The following CDH13 variants were observed in gnomAD, a reference collection of about 807,000 sequenced individuals.
The protein encoded by CDH13 is cadherin 13.
A neutral mutation model predicts 63.8 loss-of-function variants in CDH13; 24 were observed. That is an observed-to-expected ratio of 0.38 (90% CI 0.27 to 0.53). The LOEUF (loss-of-function observed/expected upper bound fraction) is 0.53, where lower values mean the gene tolerates loss of function less well. CDH13 is among the 20% of genes least tolerant of loss of function. CDH13 has a pLI of 0.85. For missense variants in CDH13, 1,049 were observed against 903.1 expected (o/e 1.16, Z -2.07); for synonymous variants, 503 against 355.3 (o/e 1.42, Z -4.67).
intron 7 of CDH13, among the ~76,000 whole-genome samples, chr16:83,490,820 C>T (rs1337561365): frequency 6.6e-6 from 1 of 152,218 alleles, no homozygotes; most frequent in Non-Finnish European, 1.5e-5. Context: ...TATCAAGTTT[C>T]CCCAAGACAT....
chr16:82,790,524 A>C (rs1401058835), intron 1 of CDH13, among the ~76,000 whole-genome samples: 1 of 152,212 alleles, frequency 6.6e-6, no homozygotes, highest in Non-Finnish European at 1.5e-5. Flanking sequence ...TAATAGACAT[A>C]CAAAAAAATT....
intron 7 of CDH13, among the ~76,000 whole-genome samples, chr16:83,553,948 G>C (rs573461216): frequency 6.6e-6 from 1 of 152,132 alleles, no homozygotes; most frequent in African/African-American, 2.4e-5. Context: ...ATAATTTTGT[G>C]TCTTTTATAG....
At chr16:83,558,582 T>C (rs2075645490) in intron 7 of CDH13, among the ~76,000 whole-genome samples, 1 of 152,202 alleles carries the variant, frequency 6.6e-6, no homozygotes, top group South Asian at 2.1e-4. Flanking sequence ...CTACATCTAG[T>C]CAGAGATGCA....
At chr16:83,081,068 A>G (rs1372538883) in intron 3 of CDH13, among the ~76,000 whole-genome samples, 1 of 151,074 alleles carries the variant, frequency 6.6e-6, no homozygotes, top group Non-Finnish European at 1.5e-5. Flanking sequence ...TTTAGTACAG[A>G]CGGGGTTTCT....
intron 5 of CDH13, among the ~76,000 whole-genome samples, chr16:83,226,428 C>G (rs1006491919): frequency 1.3e-5 from 2 of 152,210 alleles, no homozygotes; most frequent in African/African-American, 4.8e-5. Flanking sequence ...CAACTTGAAT[C>G]TTGGCAGGTG....
chr16:83,747,470 G>A (rs997195995), intron 10 of CDH13, among the ~76,000 whole-genome samples: 4 of 152,118 alleles, frequency 2.6e-5, no homozygotes, highest in Non-Finnish European at 5.9e-5. Flanking sequence ...ATGGAACTGT[G>A]AGTCTATTAA....
At chr16:83,300,664 G>T (rs1207662442) in intron 5 of CDH13, among the ~76,000 whole-genome samples, 1 of 152,202 alleles carries the variant, frequency 6.6e-6, no homozygotes, top group South Asian at 2.1e-4. Flanking sequence ...TTGTCAAGAT[G>T]AGACGTTAAT....
intron 6 of CDH13, among the ~76,000 whole-genome samples, chr16:83,441,317 A>G (rs181888548): frequency 1.8e-4 from 27 of 152,340 alleles, no homozygotes; most frequent in Non-Finnish European, 2.5e-4. Flanking sequence ...AAAGATGACA[A>G]TTCAATTACT....
chr16:83,669,516 G>C (rs1459639692), intron 8 of CDH13, among the ~76,000 whole-genome samples: 1 of 152,172 alleles, frequency 6.6e-6, no homozygotes, highest in Non-Finnish European at 1.5e-5. Context: ...AGCAGCCTCA[G>C]TATCCCTTCT....
At chr16:83,444,425 G>A (rs1363904384) in intron 6 of CDH13, among the ~76,000 whole-genome samples, 1 of 152,160 alleles carries the variant, frequency 6.6e-6, no homozygotes, top group Non-Finnish European at 1.5e-5. Flanking sequence ...ACTTGCTCAA[G>A]GACAATACTT....
rs1342205878 is a variant in CDH13 at position 83,153,601 on chromosome 16, A to C, written c.483+28100A>C. ...CCAGGAATGAACAGGGACAGTTTGG[A>C]GGTTCGAGGCAAGATGGAGTCACTT... On this transcript the variant is annotated intron_variant, in intron 4 of 13. Transcript: ENST00000567109. 2.6e-5 allele frequency among the ~76,000 whole-genome samples: 4 copies of C among 152,280 alleles called. 1 individual carries two copies. In the East Asian group the frequency reaches 7.7e-4, roughly 29 times the overall value.
intron 7 of CDH13, among the ~76,000 whole-genome samples, chr16:83,548,065 G>C (rs998494040): frequency 6.6e-6 from 1 of 151,552 alleles, no homozygotes; most frequent in African/African-American, 2.4e-5. Context: ...TATCACCTGG[G>C]CTGCTTGCTG....
intron 8 of CDH13, among the ~76,000 whole-genome samples, chr16:83,613,522 A>G (rs937781165): frequency 6.6e-6 from 1 of 152,130 alleles, no homozygotes; most frequent in African/African-American, 2.4e-5. Flanking sequence ...CTAATCTACT[A>G]TACCCATTTA....
intron 4 of CDH13, among the ~76,000 whole-genome samples, chr16:83,175,180 T>C (rs940968879): frequency 3.9e-5 from 6 of 152,152 alleles, no homozygotes; most frequent in African/African-American, 1.4e-4. Context: ...TTCTAGATGC[T>C]TTATTCTCAA....
chr16:82,651,807 T>C (rs1023710590), intron 1 of CDH13, among the ~76,000 whole-genome samples: 1 of 152,140 alleles, frequency 6.6e-6, no homozygotes, highest in African/African-American at 2.4e-5. Flanking sequence ...TGACAAGTGA[T>C]TTTTCCAGTG....
chr16:83,196,931 A>C (rs549173115), intron 4 of CDH13, among the ~76,000 whole-genome samples: 1 of 152,208 alleles, frequency 6.6e-6, no homozygotes, highest in East Asian at 1.9e-4. Flanking sequence ...CAGCAATTGC[A>C]CTCCTAGGCG....
intron 2 of CDH13, among the ~76,000 whole-genome samples, chr16:82,983,245 C>A (rs1347261345): frequency 6.6e-6 from 1 of 152,132 alleles, no homozygotes; most frequent in Non-Finnish European, 1.5e-5. Flanking sequence ...TTTTACTTAG[C>A]CTTCCTTTCC....
intron 1 of CDH13, among the ~76,000 whole-genome samples, chr16:82,710,114 A>T (rs919997939): frequency 1.4e-5 from 2 of 148,060 alleles, no homozygotes; most frequent in Non-Finnish European, 1.5e-5. Context: ...TAAATATATT[A>T]TATAGATTTA....
At chr16:82,742,029 T>C (rs2033954899) in intron 1 of CDH13, among the ~76,000 whole-genome samples, 1 of 152,184 alleles carries the variant, frequency 6.6e-6, no homozygotes, top group South Asian at 2.1e-4. Flanking sequence ...ACACTCTAAA[T>C]TTCTTACAAT....
Sources: gnomAD v4.1 joint callset for allele counts (sites outside exome capture counted in the v4.1 genomes callset) on GRCh38, gnomAD v4.1.1 for gene constraint, MANE v1.5 for transcripts, NCBI Gene and HGNC (gene_info 2026-07-23, HGNC 2026-07-21) for gene names.